Variants in DPP10 observed in about 807,000 individuals in gnomAD.
DPP10 encodes the protein inactive dipeptidyl peptidase 10.
DPP10 carries 33 observed loss-of-function variants against 120.9 expected under a neutral mutation model. The observed-to-expected ratio is 0.27, with a 90% CI of 0.21 to 0.37. The LOEUF (loss-of-function observed/expected upper bound fraction) is 0.37, where lower values mean the gene tolerates loss of function less well. Among genes scored for constraint, DPP10 ranks in the 10% least tolerant of loss-of-function variants. DPP10 has a pLI of 1.00. For synonymous variants in DPP10, 337 were observed against 326.1 expected (o/e 1.03, Z -0.36); for missense variants, 816 against 942.8 (o/e 0.87, Z 1.76).
intron 5 of DPP10, among the ~76,000 whole-genome samples, chr2:115,559,208 AAT>A (rs1469761978): frequency 6.6e-6 from 1 of 152,176 alleles, no homozygotes; most frequent in Non-Finnish European, 1.5e-5. Flanking sequence ...GCCTCACAGA[AAT>A]GTTACCCAAA....
At chr2:115,545,900 C>T (rs1367969849) in intron 5 of DPP10, among the ~76,000 whole-genome samples, 2 of 152,184 alleles carry the variant, frequency 1.3e-5, no homozygotes, top group Non-Finnish European at 2.9e-5. Context: ...CTAGGACTTG[C>T]AGTAAAAGTA....
At chr2:114,518,973 T>C (rs969822940) in intron 1 of DPP10, among the ~76,000 whole-genome samples, 6 of 152,222 alleles carry the variant, frequency 3.9e-5, no homozygotes, top group Non-Finnish European at 8.8e-5. Flanking sequence ...TATTAGTTTT[T>C]ATCTGTTAGG....
chr2:115,057,408 G>A (rs1706012668), intron 1 of DPP10, among the ~76,000 whole-genome samples: 1 of 152,086 alleles, frequency 6.6e-6, no homozygotes, highest in South Asian at 2.1e-4. Context: ...CTAAAGATTT[G>A]TGTTTCTTGC....
intron 9 of DPP10, 141 bp from the exon 10 acceptor site, chr2:115,745,945 A>T: frequency 3.4e-6 from 2 of 594,818 alleles, no homozygotes; most frequent in Non-Finnish European, 5.6e-6. Context: ...TGTCGAATTT[A>T]AAATCATTTC....
At chr2:114,992,272 C>T (rs765491520) in intron 1 of DPP10, among the ~76,000 whole-genome samples, 29 of 152,276 alleles carry the variant, frequency 1.9e-4, no homozygotes, top group Admixed American at 1.0e-3. Flanking sequence ...GTTACTGTTT[C>T]GGCTGGTGTT....
intron 21 of DPP10, among the ~76,000 whole-genome samples, chr2:115,835,778 G>A (rs1296502540): frequency 6.6e-6 from 1 of 152,016 alleles, no homozygotes; most frequent in Admixed American, 6.5e-5. Flanking sequence ...TAAATTAGTG[G>A]AAAATTACAT....
chr2:115,327,641 A>G (rs2062445425), intron 2 of DPP10, among the ~76,000 whole-genome samples: 2 of 152,042 alleles, frequency 1.3e-5, no homozygotes, highest in African/African-American at 4.8e-5. Flanking sequence ...TATGAGAAAC[A>G]ATGTGGTGAG....
chr2:114,545,927 C>T (rs1687356346), intron 1 of DPP10, among the ~76,000 whole-genome samples: 2 of 152,122 alleles, frequency 1.3e-5, no homozygotes, highest in Non-Finnish European at 2.9e-5. Context: ...TTACCTGGGA[C>T]ATTTGTGCCT....
chr2:115,601,409 A>G (rs150119284), intron 5 of DPP10, among the ~76,000 whole-genome samples: 248 of 152,290 alleles, frequency 1.6e-3, no homozygotes, highest in African/African-American at 5.6e-3. Flanking sequence ...CCAAATATAA[A>G]AACATAATTA....
At chr2:114,699,516 G>C (rs1023108422) in intron 1 of DPP10, among the ~76,000 whole-genome samples, 1 of 152,086 alleles carries the variant, frequency 6.6e-6, no homozygotes, top group Non-Finnish European at 1.5e-5. Flanking sequence ...CTATTAGAGA[G>C]TTTGTCACCT....
intron 1 of DPP10, among the ~76,000 whole-genome samples, chr2:114,615,843 T>G (rs1309468995): frequency 6.6e-6 from 1 of 152,154 alleles, no homozygotes; most frequent in South Asian, 2.1e-4. Context: ...TATTGGGCAT[T>G]TCCTATGTTC....
chr2:115,410,771 C>T (rs2068892965), intron 3 of DPP10, among the ~76,000 whole-genome samples: 2 of 152,160 alleles, frequency 1.3e-5, no homozygotes, highest in Admixed American at 1.3e-4. Context: ...CACTAAACAA[C>T]TTATCCATGT....
At chr2:115,436,263 G>T (rs988768060) in intron 3 of DPP10, among the ~76,000 whole-genome samples, 1 of 151,754 alleles carries the variant, frequency 6.6e-6, no homozygotes, top group African/African-American at 2.4e-5. Context: ...TCTTACCTCT[G>T]TGTTTGTCAT....
At chr2:114,613,427 G>A (rs1193250300) in intron 1 of DPP10, among the ~76,000 whole-genome samples, 1 of 152,136 alleles carries the variant, frequency 6.6e-6, no homozygotes, top group East Asian at 1.9e-4. Flanking sequence ...CTTTTCTCAA[G>A]CCAATTAGAA....
chr2:115,406,608 A>G (rs1359420002), intron 3 of DPP10, among the ~76,000 whole-genome samples: 1 of 152,204 alleles, frequency 6.6e-6, no homozygotes, highest in Non-Finnish European at 1.5e-5. Flanking sequence ...AATCTGTACC[A>G]TACAAACATA....
intron 1 of DPP10, among the ~76,000 whole-genome samples, chr2:114,480,780 C>T (rs1044103117): frequency 2.0e-5 from 3 of 151,672 alleles, no homozygotes; most frequent in Admixed American, 6.6e-5. Flanking sequence ...ATGGGTGCAG[C>T]ACACCAACAT....
At chr2:115,587,228 G>A (rs1171724099) in intron 5 of DPP10, among the ~76,000 whole-genome samples, 3 of 151,440 alleles carry the variant, frequency 2.0e-5, no homozygotes, top group Non-Finnish European at 4.4e-5. Context: ...TTCCCGAGTA[G>A]CTGGGACAAC....
intron 1 of DPP10, among the ~76,000 whole-genome samples, chr2:115,086,988 C>T (rs1180777400): frequency 3.3e-5 from 5 of 152,166 alleles, no homozygotes; most frequent in South Asian, 2.1e-4. Flanking sequence ...TCTTAACTCA[C>T]GAGAGCAAAC....
intron 1 of DPP10, among the ~76,000 whole-genome samples, chr2:115,202,594 A>G (rs1297758970): frequency 6.6e-6 from 1 of 152,204 alleles, no homozygotes; most frequent in Non-Finnish European, 1.5e-5. Context: ...TGAGAATACA[A>G]AATTGGATTC....
Sources: gnomAD v4.1 joint callset for allele counts (sites outside exome capture counted in the v4.1 genomes callset) on GRCh38, gnomAD v4.1.1 for gene constraint, MANE v1.5 for transcripts, NCBI Gene and HGNC (gene_info 2026-07-23, HGNC 2026-07-21) for gene names.